Variants in BLTP1 observed in about 807,000 individuals in gnomAD.
The protein encoded by BLTP1 is fragile site-associated protein.
At chr4:122,198,219 C>T in the BLTP1 span, 2 of 975,882 alleles carry the variant, frequency 2.0e-6, no homozygotes, top group Non-Finnish European at 1.2e-6. Flanking sequence ...TTCCCCATAA[C>T]TCTGAGGCTA....
At chr4:122,157,414 G>A in the BLTP1 span, among the ~76,000 whole-genome samples, 15 of 152,244 alleles carry the variant, frequency 9.9e-5, no homozygotes, top group African/African-American at 3.6e-4. Flanking sequence ...CCTGACAGGG[G>A]TGGGGTTGGT....
At chr4:122,209,804 T>C in the BLTP1 span, 1 of 1,612,506 alleles carries the variant, frequency 6.2e-7, no homozygotes, top group African/African-American at 1.3e-5. Context: ...AACTGTCTGT[T>C]TTACTCTTCA....
At chr4:122,266,048 G>A in the BLTP1 span, among the ~76,000 whole-genome samples, 1 of 152,158 alleles carries the variant, frequency 6.6e-6, no homozygotes, top group African/African-American at 2.4e-5. Flanking sequence ...AATGTGTAGT[G>A]AAAGAGGAGG....
the BLTP1 span, among the ~76,000 whole-genome samples, chr4:122,300,129 C>G: frequency 6.6e-6 from 1 of 152,234 alleles, no homozygotes; most frequent in South Asian, 2.1e-4. Flanking sequence ...CTGCCACAGC[C>G]TCTCGAGTAG....
the BLTP1 span, chr4:122,277,508 C>G: frequency 4.2e-6 from 4 of 963,840 alleles, no homozygotes; most frequent in South Asian, 9.6e-5. Context: ...AAATATTTGG[C>G]AAGTGTCTAT....
the BLTP1 span, chr4:122,200,188 G>A: frequency 5.8e-5 from 54 of 931,212 alleles, no homozygotes; most frequent in Non-Finnish European, 6.8e-5. Context: ...CCTTAAAGTG[G>A]CATATTCAGT....
chr4:122,319,628 A>G, the BLTP1 span, among the ~76,000 whole-genome samples: 1 of 141,074 alleles, frequency 7.1e-6, no homozygotes, highest in Non-Finnish European at 1.5e-5. Context: ...TGCAACCACC[A>G]CCTCCCGGGT....
the BLTP1 span, chr4:122,189,493 A>AAAAAGTTAT: frequency 1.1e-6 from 1 of 893,618 alleles, no homozygotes; most frequent in Non-Finnish European, 1.3e-6. Flanking sequence ...AAAAATGATA[A>AAAAAGTTAT]CTTTTTTATT....
the BLTP1 span, chr4:122,235,044 T>G: frequency 6.4e-7 from 1 of 1,562,014 alleles, no homozygotes; most frequent in South Asian, 1.2e-5. Context: ...GTTTCGTCAC[T>G]TGTGCTAATT....
At chr4:122,261,958 C>T in the BLTP1 span, 3 of 985,372 alleles carry the variant, frequency 3.0e-6, no homozygotes, top group Non-Finnish European at 3.6e-6. Context: ...GGCTTCACAG[C>T]ACTGGTATCC....
chr4:122,188,403 A>G, the BLTP1 span: 1 of 195,462 alleles, frequency 5.1e-6, no homozygotes, highest in Non-Finnish European at 9.3e-6. Context: ...TACACATTAC[A>G]GGTAGGTTTT....
the BLTP1 span, among the ~76,000 whole-genome samples, chr4:122,318,778 T>A: frequency 2.0e-5 from 3 of 152,200 alleles, no homozygotes; most frequent in Admixed American, 1.3e-4. Context: ...AAACTTTTTT[T>A]AAAAACCATT....
the BLTP1 span, chr4:122,287,500 C>T: frequency 2.5e-5 from 20 of 811,728 alleles, no homozygotes; most frequent in Non-Finnish European, 2.8e-5. Context: ...GAGGCAGGAG[C>T]CACGCCTTAG....
the BLTP1 span, chr4:122,259,917 A>G: frequency 3.2e-6 from 3 of 940,350 alleles, no homozygotes; most frequent in Non-Finnish European, 3.8e-6. Context: ...ATTGATACCC[A>G]GAATCTGTAA....
chr4:122,324,442 G>A, the BLTP1 span: 1 of 1,609,816 alleles, frequency 6.2e-7, no homozygotes, highest in Non-Finnish European at 8.5e-7. Flanking sequence ...TTCCCTAAAG[G>A]ATAAGTGGGG....
the BLTP1 span, chr4:122,187,737 T>A: frequency 2.0e-6 from 1 of 507,514 alleles, no homozygotes; most frequent in Non-Finnish European, 2.5e-6. Flanking sequence ...ACTACTGGTT[T>A]AAATTGACCA....
the BLTP1 span, chr4:122,247,276 G>A: frequency 6.2e-7 from 1 of 1,613,362 alleles, no homozygotes; most frequent in Non-Finnish European, 8.5e-7. Context: ...ATCAAATGCT[G>A]GAGCAGAAAA....
the BLTP1 span, chr4:122,282,062 C>G: frequency 2.0e-6 from 2 of 979,244 alleles, no homozygotes; most frequent in Non-Finnish European, 2.4e-6. Context: ...ATTTCTACAT[C>G]TATTAAGTTT....
At chr4:122,339,459 T>A in the BLTP1 span, 1 of 1,291,008 alleles carries the variant, frequency 7.7e-7, no homozygotes, top group Non-Finnish European at 1.1e-6. Flanking sequence ...ATACTATTTT[T>A]AAATCAATAT....
Sources: allele counts gnomAD v4.1 joint callset (sites outside exome capture counted in the v4.1 genomes callset), GRCh38; gene constraint gnomAD v4.1.1; transcripts MANE v1.5; gene names NCBI Gene and HGNC (gene_info 2026-07-23, HGNC 2026-07-21).